AIG1: variants seen among roughly 807,000 people sequenced by gnomAD.
The protein encoded by AIG1 is androgen-induced gene 1 protein.
AIG1 carries 23 observed loss-of-function variants against 31.4 expected under a neutral mutation model. The observed-to-expected ratio is 0.73, with a 90% CI of 0.53 to 1.04. The LOEUF is 1.04. Among genes scored for constraint, AIG1 ranks in the 50% least tolerant of loss-of-function variants. The probability of loss-of-function intolerance (pLI) is 0.00; values close to 1 mark genes in which losing one functional copy is unlikely to be tolerated. For synonymous variants in AIG1, 100 were observed against 110.5 expected (o/e 0.90, Z 0.60); for missense variants, 274 against 295.0 (o/e 0.93, Z 0.52).
At chr6:143,250,840 T>G (rs1167238420) in intron 3 of AIG1, among the ~76,000 whole-genome samples, 1 of 152,222 alleles carries the variant, frequency 6.6e-6, no homozygotes, top group East Asian at 1.9e-4. Context: ...GATTTATTTT[T>G]TATCATCAGC....
Position 143,298,778 on chromosome 6 carries a change from T to C in AIG1, c.515+14553T>C, listed in dbSNP as rs897650858. ...CTGTCTCTAAAATTGCAGTGGGCAA[T>C]GGGCAGGTCAAACTCATCAGACTCT... On this transcript the variant is annotated intron_variant, in intron 4 of 5. Coordinates refer to ENST00000357847, the MANE Select transcript of AIG1 (RefSeq NM_016108.4). The surrounding 1 kb of genome is among the most constrained non-coding windows in gnomAD (Gnocchi z 5.1). 2 of 152,542 alleles carry C rather than the reference T, an allele frequency of 1.3e-5. No homozygotes were observed. The highest frequency in any genetic ancestry group is 2.9e-5 in the Non-Finnish European group (2 of 68,270). 9.4% of individuals were successfully genotyped at this position (152,542 alleles called of 1,614,324 possible). A position where few individuals can be genotyped will look rare whatever the true frequency, so the allele number is the denominator to read the frequency against.
intron 1 of AIG1, among the ~76,000 whole-genome samples, chr6:143,100,877 G>T (rs908745412): frequency 3.9e-5 from 6 of 151,956 alleles, no homozygotes; most frequent in African/African-American, 1.2e-4. Context: ...GAGAGATGGG[G>T]TTTCACCATG....
At chr6:143,106,474 T>C (rs1220202241) in intron 1 of AIG1, among the ~76,000 whole-genome samples, 1 of 152,256 alleles carries the variant, frequency 6.6e-6, no homozygotes, top group Non-Finnish European at 1.5e-5. Flanking sequence ...TCTAGGGCAC[T>C]CTACATTCAT....
chr6:143,091,842 A>G (rs1779333899), intron 1 of AIG1, among the ~76,000 whole-genome samples: 2 of 152,342 alleles, frequency 1.3e-5, no homozygotes, highest in Admixed American at 1.3e-4. Context: ...ATAAGATGAA[A>G]TGTACTATTG....
At chr6:143,086,312 A>C (rs145534448) in intron 1 of AIG1, among the ~76,000 whole-genome samples, 28 of 152,294 alleles carry the variant, frequency 1.8e-4, no homozygotes, top group African/African-American at 6.3e-4. Flanking sequence ...CCTGGCTTTT[A>C]AAGGAATAGG....
rs191288509 is a variant in AIG1, at chr6:143,083,126, A to G, written c.141+22060A>G. ...GGCCCTGGTGCCTTTGGATAATTTT[A>G]GCCGTAAGTGTTTAACCTGCTGTAA... is the stretch of plus-strand genomic sequence containing the variant. On this transcript the variant is annotated intron_variant, in intron 1 of 5. Coordinates refer to ENST00000357847, the MANE Select transcript of AIG1 (RefSeq NM_016108.4). 4.2e-4 allele frequency among the ~76,000 whole-genome samples: 64 copies of G among 152,320 alleles called. 1 individual carries two copies. The highest frequency in any genetic ancestry group is 1.0e-4 in the Non-Finnish European group (7 of 68,030).
chr6:143,209,646 A>G (rs1791434083), intron 3 of AIG1, among the ~76,000 whole-genome samples: 1 of 152,218 alleles, frequency 6.6e-6, no homozygotes, highest in Admixed American at 6.5e-5. Context: ...CAGAAGGAGC[A>G]GAGCCCTGAC....
Position 143,294,958 on chromosome 6 carries a change from G to T in AIG1, c.515+10733G>T, listed in dbSNP as rs1562565525. On this transcript the variant is annotated intron_variant, in intron 4 of 5. Coordinates refer to ENST00000357847, the MANE Select transcript of AIG1 (RefSeq NM_016108.4). ...TAGGTAAACCCATCCACATGTGTTT[G>T]CAATGCCTCCATTTCGGAACTCCAT... Among the ~76,000 whole-genome samples, 3 of 152,150 alleles carry T rather than the reference G, an allele frequency of 2.0e-5. No individual in the cohort carries two copies. In the East Asian group the frequency reaches 5.8e-4, roughly 29 times the overall value.
intron 3 of AIG1, among the ~76,000 whole-genome samples, chr6:143,203,603 A>C (rs1790872232): frequency 1.3e-5 from 2 of 152,164 alleles, no homozygotes; most frequent in Non-Finnish European, 2.9e-5. Context: ...TTCTCTATGT[A>C]CTTAGGAGCA....
chr6:143,268,394 C>T lies in AIG1; in HGVS notation c.400-15716C>T, dbSNP rs1475520144. On this transcript the variant is annotated intron_variant, in intron 3 of 5. Transcript: ENST00000357847. The surrounding 1 kb of genome is among the most constrained non-coding windows in gnomAD (Gnocchi z 5.0). ...ATGGTCTAACGTGTGCCTTATTCAG[C>T]TGAATAAGGTGTTGAATAGCTACAA... Among the ~76,000 whole-genome samples, 1 of 152,098 alleles carries T rather than the reference C, an allele frequency of 6.6e-6. No homozygotes were observed. Among genetic ancestry groups the T allele is most frequent in the East Asian group, 1.9e-4 (1 of 5,194 alleles).
At chr6:143,079,155 T>C (rs2128467078) in intron 1 of AIG1, among the ~76,000 whole-genome samples, 1 of 152,256 alleles carries the variant, frequency 6.6e-6, no homozygotes, top group East Asian at 1.9e-4. Flanking sequence ...ACAGCAGGAC[T>C]TCCTCTTGCT....
At chr6:143,100,012 C>T (rs970973179) in intron 1 of AIG1, among the ~76,000 whole-genome samples, 6 of 152,184 alleles carry the variant, frequency 3.9e-5, no homozygotes, top group Non-Finnish European at 5.9e-5. Flanking sequence ...CATTCAAGTA[C>T]GGTTTTGTTT....
At chr6:143,219,427 G>A (rs1222798566) in intron 3 of AIG1, among the ~76,000 whole-genome samples, 1 of 152,146 alleles carries the variant, frequency 6.6e-6, no homozygotes, top group Admixed American at 6.5e-5. Flanking sequence ...CTATGATTGT[G>A]CCACTGCACT....
intron 1 of AIG1, among the ~76,000 whole-genome samples, chr6:143,065,459 T>G (rs1219225938): frequency 5.6e-5 from 8 of 143,248 alleles, no homozygotes; most frequent in Admixed American, 5.4e-4. Flanking sequence ...GCTGATGAAT[T>G]TTCTTCAAGT....
intron 1 of AIG1, among the ~76,000 whole-genome samples, chr6:143,080,915 T>A (rs569154454): frequency 6.6e-6 from 1 of 152,264 alleles, no homozygotes; most frequent in African/African-American, 2.4e-5. Flanking sequence ...GGGACTTGAC[T>A]AATACCATGT....
At chr6:143,276,337 GT>G (rs1796904403) in intron 3 of AIG1, among the ~76,000 whole-genome samples, 2 of 152,178 alleles carry the variant, frequency 1.3e-5, no homozygotes, top group South Asian at 4.1e-4. Context: ...CCTATAAAGA[GT>G]TTTGGAAGTG....
At position 143,109,824 on chromosome 6, in the gene AIG1, G is replaced by A. The variant is rs140566842; in HGVS notation, c.142-27011G>A. Among the ~76,000 whole-genome samples, 154 of 152,052 alleles carry A rather than the reference G, an allele frequency of 1.0e-3. 1 individual carries two copies. The highest frequency in any genetic ancestry group is 3.5e-3 in the African/African-American group (145 of 41,476). ...TGACAAATATATTTTCTTTCTTTATGGCTTATCTTCCCTCTTTATGACATC... is the reference window on the plus strand; with the variant it reads ...TGACAAATATATTTTCTTTCTTTATAGCTTATCTTCCCTCTTTATGACATC... On this transcript the variant is annotated intron_variant, in intron 1 of 5. Transcript: ENST00000357847.
At chr6:143,152,256 T>A (rs1321222115) in intron 2 of AIG1, among the ~76,000 whole-genome samples, 1 of 152,254 alleles carries the variant, frequency 6.6e-6, no homozygotes, top group Admixed American at 6.5e-5. Context: ...TAGATTTTTC[T>A]TACTTTTATC....
intron 3 of AIG1, among the ~76,000 whole-genome samples, chr6:143,209,829 C>T (rs569044375): frequency 2.8e-4 from 42 of 152,238 alleles, no homozygotes; most frequent in Admixed American, 4.6e-4. Flanking sequence ...TCAGAAATTG[C>T]CTTGTTCATT....
Sources: allele counts gnomAD v4.1 joint callset (sites outside exome capture counted in the v4.1 genomes callset), GRCh38; gene constraint gnomAD v4.1.1; non-coding constraint Gnocchi (gnomAD v3.1); transcripts MANE v1.5; gene names NCBI Gene and HGNC (gene_info 2026-07-23, HGNC 2026-07-21).